The following KCNQ1 variants were observed in gnomAD, a reference collection of about 807,000 sequenced individuals.
KCNQ1 encodes the protein potassium voltage-gated channel subfamily KQT member 1.
KCNQ1 carries 49 observed loss-of-function variants against 72.4 expected under a neutral mutation model. The ratio of observed to expected loss-of-function variants is 0.68; its 90% CI spans 0.54 to 0.86. The LOEUF is 0.86. KCNQ1 is among the 40% of genes least tolerant of loss of function. The pLI is 0.00. For missense variants in KCNQ1, 790 were observed against 945.1 expected (o/e 0.84, Z 2.15); for synonymous variants, 450 against 412.6 (o/e 1.09, Z -1.10).
chr11:2,606,892 A>ATT (rs869121696), intron 10 of KCNQ1, among the ~76,000 whole-genome samples: 874 of 82,764 alleles, frequency 0.011, 126 homozygotes, highest in African/African-American at 0.039. Flanking sequence ...ATTATCTGTG[A>ATT]TTTTTTTTTT....
At position 2,780,432 on chromosome 11, in the gene KCNQ1, G is replaced by A. The variant is rs540941390; in HGVS notation, c.1794+2395G>A. ...CCCGGCCCTCGGAGGCCCAGCAGGC[G>A]TGCAGCGGTGCCAATGCCCGCCGGC... On this transcript the variant is annotated intron_variant, in intron 15 of 15. Transcript: ENST00000155840. 2.0e-3 allele frequency among the ~76,000 whole-genome samples: 310 copies of A among 152,306 alleles called. 1 individual carries two copies. The highest frequency in any genetic ancestry group is 7.2e-3 in the African/African-American group (298 of 41,562).
chr11:2,641,927 A>G, intron 10 of KCNQ1: 1 of 398,508 alleles, frequency 2.5e-6, no homozygotes, highest in Non-Finnish European at 4.4e-6. Flanking sequence ...TCTTTGTCAA[A>G]AATCAGTTGG....
chr11:2,615,673 G>C (rs1849048950), intron 10 of KCNQ1: 1 of 397,966 alleles, frequency 2.5e-6, no homozygotes, highest in Non-Finnish European at 4.4e-6. Flanking sequence ...TATTAATGTG[G>C]TGTATTACAT....
chr11:2,632,688 T>C (rs948559399), intron 10 of KCNQ1: 8 of 398,292 alleles, frequency 2.0e-5, no homozygotes, highest in African/African-American at 1.6e-4. Flanking sequence ...TCCTCCATCT[T>C]TCTGTGCCTA....
rs1295102098 is a variant in KCNQ1 at position 2,658,993 on chromosome 11, T to C, written c.1394-2968T>C. The C allele has an allele frequency of 2.5e-6, 1 of 398,512 alleles. No homozygotes were observed. Among genetic ancestry groups the C allele is most frequent in the African/African-American group, 2.1e-5 (1 of 48,630 alleles). The allele number at this position is 398,512 out of a possible 1,614,324, so 24.7% of individuals were successfully genotyped here. On this transcript the variant is annotated intron_variant, in intron 10 of 15. Coordinates refer to ENST00000155840, the MANE Select transcript of KCNQ1 (RefSeq NM_000218.3). This position sits in a 1 kb window ranked among gnomAD's most constrained non-coding sequence, Gnocchi z 4.9. ...AGAGTGTCCAGTCAAAACAGTGTTT[T>C]TGAAAGCAACATATGCCAGCTCCTC...
chr11:2,476,742 A>AGTG (rs35869609), intron 1 of KCNQ1, among the ~76,000 whole-genome samples: 82,585 of 151,722 alleles, frequency 0.54, 23,767 homozygotes, highest in Non-Finnish European at 0.64. Flanking sequence ...GCTGGAGTGC[A>AGTG]GTGGTGCAAT....
At chr11:2,452,790 T>C (rs975633933) in intron 1 of KCNQ1, among the ~76,000 whole-genome samples, 3 of 152,220 alleles carry the variant, frequency 2.0e-5, no homozygotes, top group Non-Finnish European at 4.4e-5. Flanking sequence ...AAAAACCGCA[T>C]GTAACTCCAT....
rs1174921983 is a variant in KCNQ1, at chr11:2,491,513, G to A, written c.387-36415G>A. ...AGAACAAAAAAGAATTAGTAAGCTTGAAGACAGGATATTTGTAAATACACA... is the reference window on the plus strand; with the variant it reads ...AGAACAAAAAAGAATTAGTAAGCTTAAAGACAGGATATTTGTAAATACACA... On this transcript the variant is annotated intron_variant, in intron 1 of 15. Coordinates refer to ENST00000155840, the MANE Select transcript of KCNQ1 (RefSeq NM_000218.3). This position sits in a 1 kb window ranked among gnomAD's most constrained non-coding sequence, Gnocchi z 4.1. 3.3e-5 allele frequency among the ~76,000 whole-genome samples: 5 copies of A among 152,180 alleles called. No individual in the cohort carries two copies. The highest frequency in any genetic ancestry group is 5.9e-5 in the Non-Finnish European group (4 of 68,022).
In KCNQ1 at chr11:2,745,708, G is replaced by A. The variant is rs992553964; in HGVS notation, c.1515-23136G>A. Among the ~76,000 whole-genome samples, 2 of 152,162 alleles carry A rather than the reference G, an allele frequency of 1.3e-5. No homozygotes were observed. The highest frequency in any genetic ancestry group is 6.5e-5 in the Admixed American group (1 of 15,274). ...CCCGGCGGAGGCAGGGGCTTCCTCT[G>A]ACACGATACAGGGATTTGCTGACGG... On this transcript the variant is annotated intron_variant, in intron 11 of 15. Coordinates refer to ENST00000155840, the MANE Select transcript of KCNQ1 (RefSeq NM_000218.3). The surrounding 1 kb of genome is among the most constrained non-coding windows in gnomAD (Gnocchi z 6.2).
At chr11:2,542,795 C>T (rs957116311) in intron 2 of KCNQ1, among the ~76,000 whole-genome samples, 1 of 152,186 alleles carries the variant, frequency 6.6e-6, no homozygotes, top group Non-Finnish European at 1.5e-5. Context: ...ATTGCTGAGC[C>T]GTATCCCATT....
Position 2,816,001 on chromosome 11 carries a change from G to C in KCNQ1, c.1795-31766G>C, listed in dbSNP as rs998632279. Among the ~76,000 whole-genome samples the C allele has an allele frequency of 2.6e-5, 4 of 152,248 alleles. No homozygotes were observed. The highest frequency in any genetic ancestry group is 9.6e-5 in the African/African-American group (4 of 41,468). ...TTGCAGGCGGGCAGGGCTCTGGGGA[G>C]TCCAAGTGTGCACACAGTCCTGGGT... On this transcript the variant is annotated intron_variant, in intron 15 of 15. Transcript: ENST00000155840. The surrounding 1 kb of genome is among the most constrained non-coding windows in gnomAD (Gnocchi z 6.8).
chr11:2,569,186 C>T (rs1002960625), intron 2 of KCNQ1, among the ~76,000 whole-genome samples: 2 of 152,192 alleles, frequency 1.3e-5, no homozygotes, highest in Non-Finnish European at 2.9e-5. Flanking sequence ...ACCTGGCCCA[C>T]ACCCTTTCTT....
Position 2,621,268 on chromosome 11 carries a change from G to A in KCNQ1, c.1393+32414G>A, listed in dbSNP as rs1471578287. 2.8e-5 allele frequency: 11 copies of A among 398,306 alleles called. No individual in the cohort carries two copies. The highest frequency in any genetic ancestry group is 4.1e-5 in the African/African-American group (2 of 48,608). The allele number at this position is 398,306 out of a possible 1,614,324, so 24.7% of individuals were successfully genotyped here. Reference sequence around the variant, plus strand: ...GCTAGGACTACAGGCATGAGCCACCGTGCCTGGCCTCATTATTTGCATTTC... The same window carrying A: ...GCTAGGACTACAGGCATGAGCCACCATGCCTGGCCTCATTATTTGCATTTC... On this transcript the variant is annotated intron_variant, in intron 10 of 15. Coordinates refer to ENST00000155840, the MANE Select transcript of KCNQ1 (RefSeq NM_000218.3). The surrounding 1 kb of genome is among the most constrained non-coding windows in gnomAD (Gnocchi z 5.7).
intron 1 of KCNQ1, among the ~76,000 whole-genome samples, chr11:2,474,910 G>A (rs1455950651): frequency 6.6e-6 from 1 of 152,148 alleles, no homozygotes; most frequent in Non-Finnish European, 1.5e-5. Context: ...TGAGGCATGG[G>A]GTGCATAGCT....
chr11:2,737,956 T>C (rs1845986817), intron 11 of KCNQ1, among the ~76,000 whole-genome samples: 1 of 152,010 alleles, frequency 6.6e-6, no homozygotes, highest in Non-Finnish European at 1.5e-5. Context: ...CACTGGGTCC[T>C]CTCAGCTTCA....
At chr11:2,802,304 G>A (rs897686460) in intron 15 of KCNQ1, among the ~76,000 whole-genome samples, 6 of 152,206 alleles carry the variant, frequency 3.9e-5, no homozygotes, top group Non-Finnish European at 7.4e-5. Flanking sequence ...CCCTGGCTCC[G>A]GCCCTGTCGC....
At chr11:2,789,073 C>T (rs1229770864) in intron 15 of KCNQ1, among the ~76,000 whole-genome samples, 1 of 152,168 alleles carries the variant, frequency 6.6e-6, no homozygotes, top group African/African-American at 2.4e-5. Flanking sequence ...TCAGGCTACC[C>T]CCAAAGGCCA....
rs925598594 is a variant in KCNQ1, at chr11:2,682,214, T to C, written c.1514+20133T>C. 41 of 398,412 alleles carry C rather than the reference T, an allele frequency of 1.0e-4. No homozygotes were observed. Among genetic ancestry groups the C allele is most frequent in the East Asian group, 2.5e-4 (7 of 28,080 alleles). The allele number at this position is 398,412 out of a possible 1,614,324, so 24.7% of individuals were successfully genotyped here. A position where few individuals can be genotyped will look rare whatever the true frequency, so the allele number is the denominator to read the frequency against. On this transcript the variant is annotated intron_variant, in intron 11 of 15. Coordinates refer to ENST00000155840, the MANE Select transcript of KCNQ1 (RefSeq NM_000218.3). The surrounding 1 kb of genome is among the most constrained non-coding windows in gnomAD (Gnocchi z 5.8). ...CCTTCCCCAGGCCAGGACTGTCTTA[T>C]CCTGTGGTTCTTAGCTGAAATGTCC...
chr11:2,604,484 A>G (rs1848851581), intron 10 of KCNQ1, among the ~76,000 whole-genome samples: 1 of 151,956 alleles, frequency 6.6e-6, no homozygotes, highest in South Asian at 2.1e-4. Context: ...TCAAAAAAAC[A>G]AAAAGAAAGG....
Sources: allele counts gnomAD v4.1 joint callset (sites outside exome capture counted in the v4.1 genomes callset), GRCh38; gene constraint gnomAD v4.1.1; non-coding constraint Gnocchi (gnomAD v3.1); transcripts MANE v1.5; gene names NCBI Gene and HGNC (gene_info 2026-07-23, HGNC 2026-07-21).